The following OXSR1 variants were observed in gnomAD, a reference collection of about 807,000 sequenced individuals.
The protein encoded by OXSR1 is oxidative stress responsive kinase 1.
OXSR1 carries 24 observed loss-of-function variants against 79.8 expected under a neutral mutation model. The ratio of observed to expected loss-of-function variants is 0.30; its 90% CI spans 0.22 to 0.42. The LOEUF is 0.42. Among genes scored for constraint, OXSR1 ranks in the 10% least tolerant of loss-of-function variants. The probability of loss-of-function intolerance (pLI) is 1.00; values close to 1 mark genes in which losing one functional copy is unlikely to be tolerated. For missense variants in OXSR1, 430 were observed against 618.4 expected, an observed-to-expected ratio of 0.70 and a Z score of 3.23; for synonymous variants, 226 against 209.2, an observed-to-expected ratio of 1.08 and a Z score of -0.69.
chr3:38,185,946 CAAAAAAAAAAAAAAA>C lies in OXSR1; in HGVS notation c.183+2848_183+2862del, dbSNP rs71085304. Among the ~76,000 whole-genome samples the C allele has an allele frequency of 1.6e-4, 5 of 32,120 alleles. 1 individual carries two copies. In the Admixed American group the frequency reaches 1.7e-3, roughly 11 times the overall value. The allele number at this position is 32,120 out of a possible 152,430, so 21.1% of individuals were successfully genotyped here. On this transcript the variant is annotated intron_variant, in intron 2 of 17. Transcript: ENST00000311806. ...GGTGACACAGAGTGAGGCCCTGTCT[CAAAAAAAAAAAAAAA>C]AAAAAAAAAAAAAAAAGTCATGTGA...
chr3:38,166,071 T>G, intron 1 of OXSR1, 125 bp downstream of exon 1: 10 of 753,520 alleles, frequency 1.3e-5, no homozygotes, highest in African/African-American at 1.9e-5. Flanking sequence ...CTTGTGGGGC[T>G]GGGGGCTTGT....
At chr3:38,223,568 G>A (rs1314044846) in intron 6 of OXSR1, among the ~76,000 whole-genome samples, 4 of 149,620 alleles carry the variant, frequency 2.7e-5, no homozygotes, top group East Asian at 3.9e-4. Context: ...TCAGCCTTCC[G>A]AATAGCTGAG....
At chr3:38,238,683 A>C (rs920835529) in intron 11 of OXSR1, among the ~76,000 whole-genome samples, 1 of 151,912 alleles carries the variant, frequency 6.6e-6, no homozygotes, top group Non-Finnish European at 1.5e-5. Flanking sequence ...TGACATTCTT[A>C]TTCTTGTTCC....
chr3:38,187,149 T>TA (rs1379064010), intron 2 of OXSR1, among the ~76,000 whole-genome samples: 2 of 152,210 alleles, frequency 1.3e-5, no homozygotes, highest in Admixed American at 1.3e-4. Context: ...CTAAGAGAGA[T>TA]ACATTCTATC....
chr3:38,233,661 C>G (rs1327758348), intron 10 of OXSR1, among the ~76,000 whole-genome samples: 4 of 152,216 alleles, frequency 2.6e-5, no homozygotes, highest in Non-Finnish European at 5.9e-5. Flanking sequence ...GCCTGTAAAT[C>G]CCAACACATT....
intron 4 of OXSR1, among the ~76,000 whole-genome samples, chr3:38,206,980 A>AAT (rs1406708340): frequency 3.3e-5 from 5 of 152,260 alleles, no homozygotes. Flanking sequence ...TAAATGAGGT[A>AAT]ATATTTGCAA....
chr3:38,205,760 C>T (rs1456791075), intron 4 of OXSR1, among the ~76,000 whole-genome samples: 1 of 152,212 alleles, frequency 6.6e-6, no homozygotes, highest in Non-Finnish European at 1.5e-5. Flanking sequence ...TCCATGCTGA[C>T]TGAGCTGGGG....
At chr3:38,248,129 G>A (rs1049026326) in intron 14 of OXSR1, among the ~76,000 whole-genome samples, 3 of 152,072 alleles carry the variant, frequency 2.0e-5, no homozygotes, top group African/African-American at 7.2e-5. Flanking sequence ...ACCCAAGAGG[G>A]GAGCACTTTT....
At chr3:38,209,625 C>G (rs878924114) in intron 4 of OXSR1, among the ~76,000 whole-genome samples, 2 of 149,130 alleles carry the variant, frequency 1.3e-5, no homozygotes, top group Non-Finnish European at 3.0e-5. Flanking sequence ...CTTAGGATAT[C>G]AATTATACTT....
intron 4 of OXSR1, among the ~76,000 whole-genome samples, chr3:38,210,471 A>G (rs1334709536): frequency 6.6e-6 from 1 of 152,064 alleles, no homozygotes; most frequent in East Asian, 1.9e-4. Context: ...CCTGTGGGAA[A>G]TTAGGGGAAT....
At position 38,224,600 on chromosome 3, in the gene OXSR1, T is replaced by C. The variant is rs774159949; in HGVS notation, c.732T>C (p.Pro244=). 17 of 1,592,444 alleles carry C rather than the reference T, an allele frequency of 1.1e-5. No homozygotes were observed. The Admixed American group carries it at 3.1e-4, about 29-fold the overall frequency. The change falls in exon 8 of 18, where the codon CCT becomes CCC. Residue 244 remains proline (P), a synonymous_variant. Transcript: ENST00000311806. Reference sequence around the variant, plus strand: ...TAATGCTGACACTGCAGAACGATCCTCCTTCTTTGGAAACTGGTGTTCAAG... The same window carrying C: ...TAATGCTGACACTGCAGAACGATCCCCCTTCTTTGGAAACTGGTGTTCAAG... ...KVLMLTLQND[P]PSLETGVQDK...
intron 3 of OXSR1, among the ~76,000 whole-genome samples, chr3:38,191,064 A>G (rs971380059): frequency 1.3e-5 from 2 of 152,052 alleles, no homozygotes; most frequent in South Asian, 2.1e-4. Context: ...AATTCTTTTT[A>G]GAGACTGTCT....
At chr3:38,199,253 T>A (rs1359091129) in intron 4 of OXSR1, among the ~76,000 whole-genome samples, 1 of 152,144 alleles carries the variant, frequency 6.6e-6, no homozygotes, top group Non-Finnish European at 1.5e-5. Flanking sequence ...AATAACATTT[T>A]TAAAATTATA....
Position 38,189,011 on chromosome 3 carries a change from A to T in OXSR1, c.184-1720A>T, listed in dbSNP as rs1043932583. Among the ~76,000 whole-genome samples the T allele has an allele frequency of 8.2e-4, 125 of 152,202 alleles. 1 individual carries two copies. The highest frequency in any genetic ancestry group is 7.9e-3 in the Admixed American group (121 of 15,278). On this transcript the variant is annotated intron_variant, in intron 2 of 17. Transcript: ENST00000311806. ...TTATAGTAGGTGCTTAGTATTGTTA[A>T]TATGTGTTGAAAACATGAACTTCTT... is the stretch of plus-strand genomic sequence containing the variant.
chr3:38,172,433 A>G (rs1701599675), intron 1 of OXSR1, among the ~76,000 whole-genome samples: 1 of 152,080 alleles, frequency 6.6e-6, no homozygotes. Context: ...CTCAATAAGT[A>G]TTTACTATTT....
At chr3:38,225,017 A>G (rs936317921) in intron 8 of OXSR1, 1 of 164,160 alleles carries the variant, frequency 6.1e-6, no homozygotes, top group African/African-American at 2.4e-5. Context: ...TTTATAAATG[A>G]ATGTCTTAAT....
At chr3:38,205,483 C>A (rs1367365082) in intron 4 of OXSR1, among the ~76,000 whole-genome samples, 1 of 152,166 alleles carries the variant, frequency 6.6e-6, no homozygotes, top group Non-Finnish European at 1.5e-5. Context: ...TGCACATCCT[C>A]AGGGTTGGCC....
intron 1 of OXSR1, among the ~76,000 whole-genome samples, chr3:38,168,949 A>G (rs776250640): frequency 6.6e-6 from 1 of 152,184 alleles, no homozygotes; most frequent in Non-Finnish European, 1.5e-5. Flanking sequence ...TCACCCCATG[A>G]ATATGTTTCA....
intron 2 of OXSR1, among the ~76,000 whole-genome samples, chr3:38,186,382 G>T (rs1348617736): frequency 6.6e-6 from 1 of 151,994 alleles, no homozygotes; most frequent in Non-Finnish European, 1.5e-5. Context: ...ATAATGCTAT[G>T]GTTTTTAGTT....
Sources: allele counts gnomAD v4.1 joint callset (sites outside exome capture counted in the v4.1 genomes callset), GRCh38; gene constraint gnomAD v4.1.1; transcripts MANE v1.5; gene names NCBI Gene and HGNC (gene_info 2026-07-23, HGNC 2026-07-21).